The following ITPR2 variants were observed in gnomAD, a reference collection of about 807,000 sequenced individuals.
The protein encoded by ITPR2 is inositol 1,4,5-trisphosphate-gated calcium channel ITPR2.
A neutral mutation model predicts 317.1 loss-of-function variants in ITPR2; 207 were observed. The observed-to-expected ratio is 0.65, with a 90% CI of 0.58 to 0.73. The LOEUF (loss-of-function observed/expected upper bound fraction) is 0.73. ITPR2 is among the 30% of genes least tolerant of loss of function. The pLI is 0.00. For synonymous variants in ITPR2, 1,156 were observed against 1,149.1 expected (o/e 1.01, Z -0.12); for missense variants, 2,613 against 3,284.0 (o/e 0.80, Z 4.99).
intron 11 of ITPR2, among the ~76,000 whole-genome samples, chr12:26,685,362 G>A (rs1340369839): frequency 6.6e-6 from 1 of 152,186 alleles, no homozygotes; most frequent in Non-Finnish European, 1.5e-5. Context: ...TTGAGAAGCT[G>A]AGGTGGGTGG....
intron 34 of ITPR2, among the ~76,000 whole-genome samples, chr12:26,572,738 G>A (rs188877170): frequency 2.6e-5 from 4 of 152,246 alleles, no homozygotes. Flanking sequence ...GGCTTTGAAG[G>A]TTCTTGGTCT....
intron 2 of ITPR2, among the ~76,000 whole-genome samples, chr12:26,736,159 G>A (rs1207631474): frequency 6.6e-6 from 1 of 152,084 alleles, no homozygotes; most frequent in East Asian, 1.9e-4. Context: ...GTGGGGGGAG[G>A]TCTCCTATCA....
intron 4 of ITPR2, among the ~76,000 whole-genome samples, chr12:26,723,761 A>C (rs1182412571): frequency 6.6e-6 from 1 of 152,172 alleles, no homozygotes; most frequent in African/African-American, 2.4e-5. Flanking sequence ...ACTGTAAGGA[A>C]GCTGTCAAGG....
chr12:26,669,768 A>AG (rs1022322017), intron 13 of ITPR2, among the ~76,000 whole-genome samples: 55 of 152,374 alleles, frequency 3.6e-4, no homozygotes, highest in African/African-American at 1.3e-3. Context: ...AGGAAGCGCA[A>AG]GGGGTCAGGG....
At position 26,780,101 on chromosome 12, in the gene ITPR2, C is replaced by T. The variant is rs1950050929; in HGVS notation, c.163+10056G>A. ...ACCAATGGGCCCATGAACAAAGTGGCTATGGTGGCAGGGATAGAGGTTACT... is the reference window on the plus strand; with the variant it reads ...ACCAATGGGCCCATGAACAAAGTGGTTATGGTGGCAGGGATAGAGGTTACT... On this transcript the variant is annotated intron_variant, in intron 2 of 56. Transcript: ENST00000381340. Among the ~76,000 whole-genome samples, 3 of 152,180 alleles carry T rather than the reference C, an allele frequency of 2.0e-5. No individual in the cohort carries two copies. In the South Asian group the frequency reaches 6.2e-4, roughly 32 times the overall value.
At chr12:26,568,008 AT>A (rs372089148) in intron 34 of ITPR2, among the ~76,000 whole-genome samples, 2 of 5,484 alleles carry the variant, frequency 3.6e-4, no homozygotes, top group Non-Finnish European at 3.1e-3. Context: ...TATATATATT[AT>A]ATATATATAT....
At chr12:26,690,714 G>T (rs1948223080) in intron 10 of ITPR2, among the ~76,000 whole-genome samples, 1 of 152,098 alleles carries the variant, frequency 6.6e-6, no homozygotes, top group Non-Finnish European at 1.5e-5. Context: ...CCCTGTAAAG[G>T]CCCAACAAGA....
intron 1 of ITPR2, among the ~76,000 whole-genome samples, chr12:26,796,519 A>G (rs1039473016): frequency 1.3e-5 from 2 of 152,256 alleles, no homozygotes; most frequent in South Asian, 2.1e-4. Context: ...AGTAGAAATT[A>G]GAACAAGCAA....
intron 10 of ITPR2, among the ~76,000 whole-genome samples, chr12:26,693,035 G>A (rs1948269100): frequency 6.6e-6 from 1 of 152,160 alleles, no homozygotes; most frequent in Non-Finnish European, 1.5e-5. Context: ...AAAATAGGAA[G>A]CCATATTGTT....
rs137887564 is a variant in ITPR2, at chr12:26,831,747, C to A, written c.92+943G>T. On this transcript the variant is annotated intron_variant, in intron 1 of 56. Transcript: ENST00000381340. This position sits in a 1 kb window ranked among gnomAD's most constrained non-coding sequence, Gnocchi z 4.9. The stretch of plus-strand genomic sequence containing the variant: ...TACATAAAATATATAAATATATATT[C>A]TACATAAAATATATAAATATATATT... Among the ~76,000 whole-genome samples the A allele has an allele frequency of 0.23, 23,411 of 102,392 alleles. 4,099 individuals are homozygous for A. The highest frequency in any genetic ancestry group is 0.33 in the East Asian group (1,131 of 3,456). The allele number at this position is 102,392 out of a possible 152,430, so 67.2% of individuals were successfully genotyped here.
intron 1 of ITPR2, among the ~76,000 whole-genome samples, chr12:26,816,092 CA>C (rs11409442): frequency 0.27 from 16,236 of 59,440 alleles, 305 homozygotes; most frequent in East Asian, 0.37. Context: ...GACTCCGTCT[CA>C]AAAAAAAAAA....
chr12:26,443,659 G>C lies in ITPR2; in HGVS notation c.6343-9C>G. On this transcript the variant is annotated splice_polypyrimidine_tract_variant and intron_variant, in intron 45 of 56. Transcript: ENST00000381340. Reference sequence around the variant, plus strand: ...TTATTGTGGCGGGCCAACTAGAGTAGGGAAAAAATAAAGGTTTTAGGTCTT... The same window carrying C: ...TTATTGTGGCGGGCCAACTAGAGTACGGAAAAAATAAAGGTTTTAGGTCTT... 1 of 1,609,312 alleles carries C rather than the reference G, an allele frequency of 6.2e-7. No individual in the cohort carries two copies. The highest frequency in any genetic ancestry group is 8.5e-7 in the Non-Finnish European group (1 of 1,176,778).
At chr12:26,570,009 A>G (rs1945117534) in intron 34 of ITPR2, among the ~76,000 whole-genome samples, 1 of 152,216 alleles carries the variant, frequency 6.6e-6, no homozygotes. Context: ...TAGTCATGAA[A>G]TGGGATGTTA....
At chr12:26,488,887 T>G (rs1942733239) in intron 39 of ITPR2, among the ~76,000 whole-genome samples, 1 of 152,142 alleles carries the variant, frequency 6.6e-6, no homozygotes, top group Non-Finnish European at 1.5e-5. Flanking sequence ...ATGAATAGAG[T>G]GCTCTTAGTT....
At chr12:26,736,649 T>C (rs1949123110) in intron 2 of ITPR2, among the ~76,000 whole-genome samples, 1 of 152,160 alleles carries the variant, frequency 6.6e-6, no homozygotes, top group Non-Finnish European at 1.5e-5. Context: ...CACGTCCCCC[T>C]TTCACTCTCA....
At chr12:26,634,433 A>G (rs2136841304) in intron 21 of ITPR2, among the ~76,000 whole-genome samples, 1 of 152,368 alleles carries the variant, frequency 6.6e-6, no homozygotes, top group East Asian at 1.9e-4. Flanking sequence ...TCAGTGAAAA[A>G]GCCTACTATA....
At chr12:26,670,319 C>G (rs866634480) in intron 13 of ITPR2, among the ~76,000 whole-genome samples, 2 of 152,324 alleles carry the variant, frequency 1.3e-5, no homozygotes, top group Admixed American at 6.5e-5. Context: ...CAGACTGACA[C>G]TTCACACGGC....
chr12:26,721,286 C>T, intron 5 of ITPR2: 1 of 595,856 alleles, frequency 1.7e-6, no homozygotes, highest in Non-Finnish European at 3.1e-6. Flanking sequence ...CAAACCTTAC[C>T]AAAGGAAGAT....
At chr12:26,443,485 T>C in intron 46 of ITPR2, 58 bp downstream of exon 46, 5 of 1,333,674 alleles carry the variant, frequency 3.7e-6, no homozygotes, top group Non-Finnish European at 2.1e-6. Flanking sequence ...TGGTCTAAAA[T>C]AGGAAGTAAG....
Sources: allele counts gnomAD v4.1 joint callset (sites outside exome capture counted in the v4.1 genomes callset), GRCh38; gene constraint gnomAD v4.1.1; non-coding constraint Gnocchi (gnomAD v3.1); transcripts MANE v1.5; gene names NCBI Gene and HGNC (gene_info 2026-07-23, HGNC 2026-07-21).